SGCZ: variants seen among roughly 807,000 people sequenced by gnomAD.
The protein encoded by SGCZ is zeta-sarcoglycan.
SGCZ carries 40 observed loss-of-function variants against 41.3 expected under a neutral mutation model. The observed-to-expected ratio is 0.97, with a 90% confidence interval of 0.75 to 1.26. The LOEUF (loss-of-function observed/expected upper bound fraction) is 1.26, where lower values mean the gene tolerates loss of function less well. SGCZ is among the 50% of genes most tolerant of loss of function. SGCZ has a pLI of 0.00. For missense variants in SGCZ, 552 were observed against 369.8 expected, an observed-to-expected ratio of 1.49 and a Z score of -4.04; for synonymous variants, 206 against 137.5, an observed-to-expected ratio of 1.50 and a Z score of -3.49.
intron 2 of SGCZ, among the ~76,000 whole-genome samples, chr8:14,539,988 C>T (rs761605582): frequency 4.1e-4 from 62 of 151,818 alleles, no homozygotes; most frequent in Admixed American, 7.9e-4. Context: ...GAACACAACA[C>T]GCTGAGACAA....
chr8:14,943,393 A>C (rs888168457), intron 1 of SGCZ, among the ~76,000 whole-genome samples: 2 of 152,164 alleles, frequency 1.3e-5, no homozygotes, highest in African/African-American at 4.8e-5. Flanking sequence ...TTGTATTCTG[A>C]GTGGAGCCAC....
chr8:14,583,532 G>C (rs1184619933), intron 1 of SGCZ, among the ~76,000 whole-genome samples: 1 of 151,952 alleles, frequency 6.6e-6, no homozygotes, highest in African/African-American at 2.4e-5. Context: ...TGTCAATTTT[G>C]GCTTTTGTTG....
chr8:14,825,856 T>C (rs955906946), intron 1 of SGCZ, among the ~76,000 whole-genome samples: 2 of 152,214 alleles, frequency 1.3e-5, no homozygotes, highest in Non-Finnish European at 2.9e-5. Flanking sequence ...TTCAGACTCA[T>C]CTGTATTACC....
intron 3 of SGCZ, among the ~76,000 whole-genome samples, chr8:14,271,032 C>T (rs749059363): frequency 4.6e-5 from 7 of 152,126 alleles, no homozygotes; most frequent in Non-Finnish European, 1.0e-4. Context: ...GAACATCACA[C>T]CCTGGGGCCT....
At chr8:14,807,956 A>G (rs1801601438) in intron 1 of SGCZ, among the ~76,000 whole-genome samples, 1 of 151,686 alleles carries the variant, frequency 6.6e-6, no homozygotes, top group Non-Finnish European at 1.5e-5. Flanking sequence ...TCTTTGACAA[A>G]CCTGAGAAAA....
intron 1 of SGCZ, among the ~76,000 whole-genome samples, chr8:14,579,776 A>G (rs1804824858): frequency 6.6e-6 from 1 of 152,146 alleles, no homozygotes; most frequent in South Asian, 2.1e-4. Flanking sequence ...CAAGTACATG[A>G]GTTTTACGTT....
intron 1 of SGCZ, among the ~76,000 whole-genome samples, chr8:14,739,494 T>C (rs531991496): frequency 9.2e-5 from 14 of 152,196 alleles, no homozygotes; most frequent in African/African-American, 3.4e-4. Context: ...ATATAGAGTT[T>C]ACATATTCTG....
chr8:15,046,533 C>A (rs117778866), intron 1 of SGCZ, among the ~76,000 whole-genome samples: 1 of 151,904 alleles, frequency 6.6e-6, no homozygotes, highest in African/African-American at 2.4e-5. Flanking sequence ...TCTATGTTCC[C>A]GTCATTCTTT....
intron 1 of SGCZ, among the ~76,000 whole-genome samples, chr8:14,659,184 C>G (rs1807669695): frequency 6.6e-6 from 1 of 152,074 alleles, no homozygotes; most frequent in South Asian, 2.1e-4. Context: ...CTGTTACACA[C>G]TAGGGTGACT....
intron 1 of SGCZ, among the ~76,000 whole-genome samples, chr8:14,740,547 G>A (rs1455471276): frequency 6.6e-6 from 1 of 152,006 alleles, no homozygotes; most frequent in Non-Finnish European, 1.5e-5. Context: ...CACTAATGAT[G>A]TCCCATTGTT....
chr8:14,863,023 C>T (rs545342159), intron 1 of SGCZ, among the ~76,000 whole-genome samples: 2 of 152,110 alleles, frequency 1.3e-5, no homozygotes, highest in Non-Finnish European at 2.9e-5. Context: ...TTTTTGAAAT[C>T]ATATTGATTA....
chr8:14,860,105 G>A (rs1439607924), intron 1 of SGCZ, among the ~76,000 whole-genome samples: 1 of 152,088 alleles, frequency 6.6e-6, no homozygotes, highest in African/African-American at 2.4e-5. Flanking sequence ...ACATAAAGAT[G>A]CTCTGTGGCT....
chr8:14,117,771 T>C (rs189682461), intron 5 of SGCZ, among the ~76,000 whole-genome samples: 3 of 151,484 alleles, frequency 2.0e-5, no homozygotes, highest in African/African-American at 7.3e-5. Flanking sequence ...TGTGTGATGT[T>C]CCTCTCCCTG....
At chr8:15,091,872 C>G (rs981393293) in intron 1 of SGCZ, among the ~76,000 whole-genome samples, 2 of 152,076 alleles carry the variant, frequency 1.3e-5, no homozygotes, top group African/African-American at 2.4e-5. Context: ...CCCACCTCAG[C>G]CTCGAAAGTA....
At chr8:15,146,599 T>C (rs970824679) in intron 1 of SGCZ, among the ~76,000 whole-genome samples, 1 of 152,222 alleles carries the variant, frequency 6.6e-6, no homozygotes, top group Non-Finnish European at 1.5e-5. Flanking sequence ...TTTGTAGCTT[T>C]AGTGTTATAA....
intron 2 of SGCZ, among the ~76,000 whole-genome samples, chr8:14,374,840 G>C (rs868367805): frequency 5.3e-5 from 8 of 152,280 alleles, no homozygotes; most frequent in Middle Eastern, 3.4e-3. Flanking sequence ...AGTCCTGAGG[G>C]CTGAAAATAT....
At chr8:14,271,785 A>G (rs528828779) in intron 3 of SGCZ, among the ~76,000 whole-genome samples, 4 of 152,156 alleles carry the variant, frequency 2.6e-5, no homozygotes, top group African/African-American at 7.2e-5. Context: ...ATCCTGATTC[A>G]TATCTACTGT....
At chr8:14,615,494 T>C (rs1410499625) in intron 1 of SGCZ, among the ~76,000 whole-genome samples, 3 of 152,212 alleles carry the variant, frequency 2.0e-5, no homozygotes, top group Admixed American at 2.0e-4. Context: ...TAAACTGTGC[T>C]AAATTTAATT....
intron 2 of SGCZ, among the ~76,000 whole-genome samples, chr8:14,509,626 G>A (rs1049309265): frequency 6.6e-6 from 1 of 152,128 alleles, no homozygotes; most frequent in South Asian, 2.1e-4. Flanking sequence ...TCTCCAAGGT[G>A]AGATGGATGT....
Sources: gnomAD v4.1 joint callset for allele counts (sites outside exome capture counted in the v4.1 genomes callset) on GRCh38, gnomAD v4.1.1 for gene constraint, MANE v1.5 for transcripts, NCBI Gene and HGNC (gene_info 2026-07-23, HGNC 2026-07-21) for gene names.